SLIT3: variants seen among roughly 807,000 people sequenced by gnomAD.
SLIT3 encodes slit guidance ligand 3, also known as slit homolog 3 protein.
In SLIT3, 68 loss-of-function variants were observed where a neutral mutation model predicts 184.0. The observed-to-expected ratio is 0.37, with a 90% CI of 0.30 to 0.45. The LOEUF (loss-of-function observed/expected upper bound fraction) is 0.45. Among genes scored for constraint, SLIT3 ranks in the 20% least tolerant of loss-of-function variants. The pLI is 1.00. For missense variants in SLIT3, 1,707 were observed against 2,026.0 expected, an observed-to-expected ratio of 0.84 and a Z score of 3.02; for synonymous variants, 831 against 828.6, an observed-to-expected ratio of 1.00 and a Z score of -0.05.
At chr5:168,978,259 T>G (rs1342734836) in intron 4 of SLIT3, among the ~76,000 whole-genome samples, 2 of 152,240 alleles carry the variant, frequency 1.3e-5, no homozygotes, top group Non-Finnish European at 2.9e-5. Flanking sequence ...GAGGATTACC[T>G]AAGGTCTCAT....
chr5:168,864,911 T>C (rs1270113417), intron 5 of SLIT3, among the ~76,000 whole-genome samples: 1 of 152,222 alleles, frequency 6.6e-6, no homozygotes, highest in Admixed American at 6.5e-5. Flanking sequence ...CTCACGCCTC[T>C]AATCCCAGCA....
rs901403559 is a variant in SLIT3 at position 168,865,964 on chromosome 5, G to A, written c.485+17301C>T. On this transcript the variant is annotated intron_variant, in intron 5 of 35. Coordinates refer to ENST00000519560, the MANE Select transcript of SLIT3 (RefSeq NM_003062.4). ...ATGGTTTAATTCCTTATCTCAAACT[G>A]TATTCTCATTCCTAAGCAGCTTGAC... 4.6e-5 allele frequency among the ~76,000 whole-genome samples: 7 copies of A among 152,264 alleles called. No homozygotes were observed. In the East Asian group the frequency reaches 1.3e-3, roughly 29 times the overall value.
chr5:168,741,503 A>G (rs1370283988), intron 20 of SLIT3, among the ~76,000 whole-genome samples: 1 of 151,582 alleles, frequency 6.6e-6, no homozygotes, highest in African/African-American at 2.4e-5. Context: ...AAAAGAAGAC[A>G]AGACAGATTC....
chr5:168,846,882 G>C (rs550088146), intron 5 of SLIT3, among the ~76,000 whole-genome samples: 65 of 152,144 alleles, frequency 4.3e-4, no homozygotes, highest in Non-Finnish European at 6.5e-4. Context: ...GAATCTGCAG[G>C]GAAGAAGAAA....
chr5:169,098,345 G>A (rs1174208387), intron 4 of SLIT3, among the ~76,000 whole-genome samples: 1 of 152,160 alleles, frequency 6.6e-6, no homozygotes, highest in Non-Finnish European at 1.5e-5. Context: ...CGATAACTAT[G>A]CACAATCATA....
chr5:169,171,966 G>A (rs11958175), intron 4 of SLIT3, among the ~76,000 whole-genome samples: 1,620 of 152,306 alleles, frequency 0.011, 38 homozygotes, highest in African/African-American at 0.037. Context: ...GTGAAGGAAA[G>A]AGGTCCAGCA....
intron 1 of SLIT3, among the ~76,000 whole-genome samples, chr5:169,283,684 T>A (rs1365822667): frequency 2.0e-5 from 3 of 152,132 alleles, no homozygotes; most frequent in African/African-American, 7.2e-5. Context: ...CACATGATGA[T>A]CCCAAAGTCA....
At chr5:169,174,129 G>C (rs1182535449) in intron 4 of SLIT3, among the ~76,000 whole-genome samples, 1 of 152,226 alleles carries the variant, frequency 6.6e-6, no homozygotes, top group Non-Finnish European at 1.5e-5. Context: ...GCAGAGGTGA[G>C]ATGTGGATGA....
At chr5:168,700,132 G>A (rs1262175661) in intron 27 of SLIT3, among the ~76,000 whole-genome samples, 1 of 152,210 alleles carries the variant, frequency 6.6e-6, no homozygotes, top group Non-Finnish European at 1.5e-5. Context: ...CACAGCACGG[G>A]CACTGGGCAC....
At chr5:168,985,844 G>A (rs76339590) in intron 4 of SLIT3, among the ~76,000 whole-genome samples, 3,553 of 152,228 alleles carry the variant, frequency 0.023, 55 homozygotes, top group Non-Finnish European at 0.034. Context: ...TGATGGCGGG[G>A]GGTAGGAAGA....
At chr5:169,204,741 C>T (rs1178587302) in intron 3 of SLIT3, among the ~76,000 whole-genome samples, 1 of 152,106 alleles carries the variant, frequency 6.6e-6, no homozygotes, top group East Asian at 1.9e-4. Flanking sequence ...ACTTCTGTTT[C>T]CTCAGTGAAA....
At chr5:169,046,140 A>G (rs1001570177) in intron 4 of SLIT3, among the ~76,000 whole-genome samples, 4 of 152,116 alleles carry the variant, frequency 2.6e-5, no homozygotes, top group Non-Finnish European at 5.9e-5. Flanking sequence ...ACCCCCCAAA[A>G]GGTGCCTTAT....
chr5:169,091,501 T>C (rs1336981288), intron 4 of SLIT3, among the ~76,000 whole-genome samples: 8 of 152,248 alleles, frequency 5.3e-5, no homozygotes, highest in Non-Finnish European at 1.2e-4. Context: ...GAGTCCCCCA[T>C]GTTAACAAGC....
At chr5:168,998,702 T>TCAAAA (rs66611793) in intron 4 of SLIT3, among the ~76,000 whole-genome samples, 14,775 of 141,616 alleles carry the variant, frequency 0.1, 1,232 homozygotes, top group African/African-American at 0.21. Context: ...AGACTCCATT[T>TCAAAA]CAAAACAAAA....
intron 4 of SLIT3, among the ~76,000 whole-genome samples, chr5:168,904,473 C>A (rs770923759): frequency 4.5e-4 from 64 of 141,206 alleles, no homozygotes; most frequent in Non-Finnish European, 8.0e-4. Context: ...TCCAGAAAAT[C>A]TTACTTTAGA....
At chr5:168,951,726 C>T (rs934373206) in intron 4 of SLIT3, among the ~76,000 whole-genome samples, 2 of 152,120 alleles carry the variant, frequency 1.3e-5, no homozygotes, top group Non-Finnish European at 2.9e-5. Flanking sequence ...TAGAAGGGAA[C>T]CCTCTTCATA....
chr5:169,226,852 C>T (rs1423873498), intron 3 of SLIT3, among the ~76,000 whole-genome samples: 2 of 152,132 alleles, frequency 1.3e-5, no homozygotes, highest in Non-Finnish European at 2.9e-5. Context: ...TTCACTTCTA[C>T]GTTTTACAAT....
chr5:168,833,402 T>C (rs1757940648), intron 6 of SLIT3, among the ~76,000 whole-genome samples: 3 of 152,124 alleles, frequency 2.0e-5, no homozygotes, highest in Non-Finnish European at 4.4e-5. Flanking sequence ...GGCTCAGCAA[T>C]GGGCAGGGGA....
intron 29 of SLIT3, among the ~76,000 whole-genome samples, chr5:168,691,179 A>G (rs1335642651): frequency 1.3e-5 from 2 of 152,128 alleles, no homozygotes; most frequent in African/African-American, 2.4e-5. Flanking sequence ...AATCAAAACC[A>G]TCTTCCAATC....
Sources: gnomAD v4.1 joint callset for allele counts (sites outside exome capture counted in the v4.1 genomes callset) on GRCh38, gnomAD v4.1.1 for gene constraint, MANE v1.5 for transcripts, NCBI Gene and HGNC (gene_info 2026-07-23, HGNC 2026-07-21) for gene names.